FRMPD2: variants seen among roughly 807,000 people sequenced by gnomAD.
FRMPD2 encodes the protein FERM and PDZ domain-containing protein 2.
FRMPD2 carries 96 observed loss-of-function variants against 140.1 expected under a neutral mutation model. The ratio of observed to expected loss-of-function variants is 0.69; its 90% CI spans 0.58 to 0.81. The LOEUF is 0.81. Ranked by LOEUF, FRMPD2 falls within the 40% of genes least tolerant of loss-of-function variation. FRMPD2 has a pLI of 0.00. For missense variants in FRMPD2, 1,240 were observed against 1,447.4 expected (o/e 0.86, Z 2.32); for synonymous variants, 449 against 547.6 (o/e 0.82, Z 2.52).
intron 8 of FRMPD2, among the ~76,000 whole-genome samples, chr10:48,236,949 T>C (rs1000320814): frequency 2.6e-5 from 4 of 152,232 alleles, no homozygotes; most frequent in African/African-American, 9.7e-5. Flanking sequence ...AAATGTTTTC[T>C]AGCTCTAGAT....
At chr10:48,162,076 G>C (rs1344562875) in intron 28 of FRMPD2, among the ~76,000 whole-genome samples, 1 of 150,968 alleles carries the variant, frequency 6.6e-6, no homozygotes, top group African/African-American at 2.5e-5. Flanking sequence ...TAAGATCATG[G>C]TAGTAGTTGT....
chr10:48,157,492 A>G (rs1588793725), intron 28 of FRMPD2, 122 bp from the exon 29 acceptor site: 1 of 722,048 alleles, frequency 1.4e-6, no homozygotes, highest in East Asian at 2.6e-5. Context: ...CCTTTCCTGC[A>G]TTGCCTCTTT....
At chr10:48,189,174 C>A (rs1483143004) in intron 16 of FRMPD2, among the ~76,000 whole-genome samples, 1 of 152,158 alleles carries the variant, frequency 6.6e-6, no homozygotes, top group Non-Finnish European at 1.5e-5. Flanking sequence ...AGCCTCAGAG[C>A]CAAGGATATA....
At chr10:48,174,773 T>C (rs1167488533) in intron 24 of FRMPD2, 97 bp downstream of exon 24, 1 of 980,942 alleles carries the variant, frequency 1.0e-6, no homozygotes, top group Non-Finnish European at 1.6e-6. Flanking sequence ...TCTTGTTTCT[T>C]GCCTGCCTCC....
rs1838229805 is a variant in FRMPD2 at position 48,171,003 on chromosome 10, G to A, written c.3429C>T (p.Leu1143=). The A allele has an allele frequency of 1.3e-6, 1 of 769,776 alleles. No homozygotes were observed. The highest frequency in any genetic ancestry group is 2.4e-6 in the Non-Finnish European group (1 of 419,176). 47.7% of individuals were successfully genotyped at this position (769,776 alleles called of 1,614,324 possible). ...LAVNGRSTEG[L]IFQEVLHLLR... ...CCATGACCCCCGGCACCTGGAAGAT[G>A]AGGCCTTCCGTGGACCTTCCATTCA... is the stretch of plus-strand genomic sequence containing the variant. Residue 1143 remains leucine (L), a synonymous_variant, in exon 26 of 29, where the codon CTC becomes CTT. Transcript: ENST00000374201.
chr10:48,257,052 A>G (rs1840502877), intron 1 of FRMPD2, among the ~76,000 whole-genome samples: 1 of 152,084 alleles, frequency 6.6e-6, no homozygotes, highest in African/African-American at 2.4e-5. Context: ...ACAGGCTCTG[A>G]CGGAGAATCC....
chr10:48,223,314 A>T, intron 10 of FRMPD2, 44 bp from the exon 11 acceptor site: 1 of 1,577,078 alleles, frequency 6.3e-7, no homozygotes, highest in Non-Finnish European at 8.6e-7. Flanking sequence ...AGCAGTAGGG[A>T]TTGCACCATC....
intron 1 of FRMPD2, among the ~76,000 whole-genome samples, chr10:48,257,246 G>A (rs79159137): frequency 5.4e-4 from 82 of 150,650 alleles, no homozygotes; most frequent in African/African-American, 1.9e-3. Context: ...ATACCTTTAC[G>A]GTTTTTATTT....
In FRMPD2 at chr10:48,232,297, C is replaced by T. The variant is rs1369880550; in HGVS notation, c.994-8G>A. ...GGATTTCCCTTTTTTGGTCTGAAAA[C>T]AACAACAGTATCAATTATACTACAA... On this transcript the variant is annotated splice_region_variant and splice_polypyrimidine_tract_variant and intron_variant, in intron 9 of 28. Transcript: ENST00000374201. The T allele has an allele frequency of 6.2e-7, 1 of 1,601,786 alleles. No individual in the cohort carries two copies. The highest frequency in any genetic ancestry group is 1.1e-5 in the South Asian group (1 of 89,402).
intron 15 of FRMPD2, chr10:48,199,811 G>C (rs7907898): frequency 0.34 from 50,939 of 151,878 alleles, 10,216 homozygotes; most frequent in African/African-American, 0.56. Context: ...TTTCCAACCC[G>C]TCTTGCAGTT....
chr10:48,234,846 C>G (rs1018095582), intron 9 of FRMPD2, among the ~76,000 whole-genome samples: 2 of 152,184 alleles, frequency 1.3e-5, no homozygotes, highest in South Asian at 4.1e-4. Flanking sequence ...TTCCCATCGC[C>G]TGGAGTCTTG....
At chr10:48,207,243 A>G (rs1839222750) in intron 13 of FRMPD2, among the ~76,000 whole-genome samples, 1 of 152,002 alleles carries the variant, frequency 6.6e-6, no homozygotes, top group African/African-American at 2.4e-5. Context: ...CAATAATAAT[A>G]TTCTGAACAA....
At chr10:48,202,147 A>G (rs1465944931) in intron 14 of FRMPD2, among the ~76,000 whole-genome samples, 2 of 152,202 alleles carry the variant, frequency 1.3e-5, no homozygotes, top group East Asian at 1.9e-4. Flanking sequence ...TATTATTCTG[A>G]TAAGAACAAT....
At chr10:48,236,730 G>C (rs1229900858) in intron 8 of FRMPD2, among the ~76,000 whole-genome samples, 177 bp from the exon 9 acceptor site, 2 of 152,180 alleles carry the variant, frequency 1.3e-5, no homozygotes, top group African/African-American at 4.8e-5. Context: ...GTACATCTTG[G>C]AGCAGAAGTC....
intron 28 of FRMPD2, among the ~76,000 whole-genome samples, chr10:48,159,998 G>T (rs549699243): frequency 6.4e-4 from 96 of 151,116 alleles, no homozygotes; most frequent in African/African-American, 2.2e-3. Context: ...TCTGAGGCTC[G>T]ACCAAACAAA....
At chr10:48,235,221 A>G (rs1383519030) in intron 9 of FRMPD2, among the ~76,000 whole-genome samples, 2 of 152,126 alleles carry the variant, frequency 1.3e-5, no homozygotes, top group African/African-American at 4.8e-5. Context: ...GGGTAACTCA[A>G]TCTTGCATAC....
At chr10:48,227,477 A>C (rs1451901550) in intron 10 of FRMPD2, among the ~76,000 whole-genome samples, 2 of 152,144 alleles carry the variant, frequency 1.3e-5, no homozygotes, top group Non-Finnish European at 2.9e-5. Flanking sequence ...AATTTGTCTC[A>C]ATTGTTTCAA....
At chr10:48,244,969 C>A in intron 3 of FRMPD2, 120 bp from the exon 4 acceptor site, 1 of 755,296 alleles carries the variant, frequency 1.3e-6, no homozygotes. Flanking sequence ...AGTCTAGCAC[C>A]ATCTGCAACT....
At chr10:48,243,307 C>T (rs1341039465) in intron 4 of FRMPD2, among the ~76,000 whole-genome samples, 1 of 152,170 alleles carries the variant, frequency 6.6e-6, no homozygotes, top group African/African-American at 2.4e-5. Context: ...GGGGCTTAGC[C>T]AAGGCTAGAG....
Sources: allele counts gnomAD v4.1 joint callset (sites outside exome capture counted in the v4.1 genomes callset), GRCh38; gene constraint gnomAD v4.1.1; transcripts MANE v1.5; gene names NCBI Gene and HGNC (gene_info 2026-07-23, HGNC 2026-07-21).